The following ALPK2 variants were observed in gnomAD, a reference collection of about 807,000 sequenced individuals.
The protein encoded by ALPK2 is alpha kinase 2.
In ALPK2, 127 loss-of-function variants were observed where a neutral mutation model predicts 163.1. That is an observed-to-expected ratio of 0.78 (90% CI 0.67 to 0.90). ALPK2 has a LOEUF of 0.90. Ranked by LOEUF, ALPK2 falls within the 40% of genes least tolerant of loss-of-function variation. The pLI is 0.00. For missense variants in ALPK2, 2,360 were observed against 2,589.6 expected, an observed-to-expected ratio of 0.91 and a Z score of 1.92; for synonymous variants, 953 against 959.1, an observed-to-expected ratio of 0.99 and a Z score of 0.12.
intron 3 of ALPK2, among the ~76,000 whole-genome samples, chr18:58,590,865 G>A (rs755979426): frequency 1.3e-5 from 2 of 152,144 alleles, no homozygotes; most frequent in East Asian, 1.9e-4. Flanking sequence ...CTCCCAGGCC[G>A]GTTCTCACCC....
rs545748598 is a variant in ALPK2, at chr18:58,536,750, C to T, written c.3437G>A (p.Gly1146Asp). Residue 1146 changes from glycine to aspartate, a missense_variant, in exon 5 of 13, where the codon GGT becomes GAT. Physicochemically the swap from Gly to Asp is moderately conservative, Grantham distance 94 (BLOSUM62 -1). Coordinates refer to ENST00000361673, the MANE Select transcript of ALPK2 (RefSeq NM_052947.4). Reference sequence around the variant, plus strand: ...TTGGAAATCAGGTGCAGAAAGAGAACCCTGCTGGGACAGGCTCTGCTGCTG... The same window carrying T: ...TTGGAAATCAGGTGCAGAAAGAGAATCCTGCTGGGACAGGCTCTGCTGCTG... Reference protein sequence around the residue: ...GVQQQSLSQQGSLSAPDFQQS... With the variant: ...GVQQQSLSQQDSLSAPDFQQS... The T allele has an allele frequency of 1.5e-5, 25 of 1,614,072 alleles. 1 individual carries two copies. Among genetic ancestry groups the T allele is most frequent in the South Asian group, 1.1e-4 (10 of 91,090 alleles).
At chr18:58,597,289 C>T (rs912276908) in intron 3 of ALPK2, among the ~76,000 whole-genome samples, 2 of 151,738 alleles carry the variant, frequency 1.3e-5, no homozygotes, top group African/African-American at 4.8e-5. Context: ...GACTCCAACT[C>T]GAAAGAAAAA....
At position 58,521,627 on chromosome 18, in the gene ALPK2, C is replaced by CTTTTTTTTTTTTTTTTTTTTT. The variant is rs398033036; in HGVS notation, c.5665+2178_5665+2179insAAAAAAAAAAAAAAAAAAAAA. On this transcript the variant is annotated intron_variant, in intron 8 of 12. Coordinates refer to ENST00000361673, the MANE Select transcript of ALPK2 (RefSeq NM_052947.4). ...TTTCTTTTTCTTTCTTTCTCTCTCT[C>CTTTTTTTTTTTTTTTTTTTTT]TTTTTTTTTTTTTTTTTTTGAGATG... Among the ~76,000 whole-genome samples the CTTTTTTTTTTTTTTTTTTTTT allele has an allele frequency of 3.6e-3, 200 of 55,370 alleles. 33 individuals are homozygous for CTTTTTTTTTTTTTTTTTTTTT. The highest frequency in any genetic ancestry group is 5.4e-3 in the Non-Finnish European group (154 of 28,558). The allele number at this position is 55,370 out of a possible 152,430, so 36.3% of individuals were successfully genotyped here. A position where few individuals can be genotyped will look rare whatever the true frequency, so the allele number is the denominator to read the frequency against.
intron 3 of ALPK2, among the ~76,000 whole-genome samples, chr18:58,593,935 T>G (rs1466826550): frequency 8.9e-6 from 1 of 112,340 alleles, no homozygotes; most frequent in African/African-American, 3.6e-5. Flanking sequence ...AGGGCCCACC[T>G]CTTCCCCCAA....
At chr18:58,506,404 A>G (rs1348526352) in intron 10 of ALPK2, among the ~76,000 whole-genome samples, 1 of 152,060 alleles carries the variant, frequency 6.6e-6, no homozygotes, top group Non-Finnish European at 1.5e-5. Flanking sequence ...ACCAACCACA[A>G]TAAAAACATT....
chr18:58,626,865 A>T (rs185694738), intron 1 of ALPK2, among the ~76,000 whole-genome samples: 10 of 148,368 alleles, frequency 6.7e-5, no homozygotes, highest in South Asian at 2.2e-4. Context: ...ATTTTATGGT[A>T]GTATTCTAAA....
At chr18:58,604,577 A>G (rs1240833653) in intron 3 of ALPK2, among the ~76,000 whole-genome samples, 1 of 152,210 alleles carries the variant, frequency 6.6e-6, no homozygotes, top group Non-Finnish European at 1.5e-5. Flanking sequence ...AAAAAGTCAG[A>G]ACTTCCCACG....
chr18:58,504,172 G>C, intron 10 of ALPK2, 24 bp from the exon 11 acceptor site: 1 of 1,585,574 alleles, frequency 6.3e-7, no homozygotes, highest in African/African-American at 1.3e-5. Context: ...GAACACAGGC[G>C]CACATCAAGG....
At chr18:58,572,283 C>T (rs1021967581) in intron 4 of ALPK2, among the ~76,000 whole-genome samples, 1 of 152,168 alleles carries the variant, frequency 6.6e-6, no homozygotes, top group African/African-American at 2.4e-5. Context: ...ACTGGGCCCT[C>T]ATACATTGCT....
chr18:58,552,849 G>A (rs8084119), intron 4 of ALPK2, among the ~76,000 whole-genome samples: 3 of 151,888 alleles, frequency 2.0e-5, no homozygotes, highest in Non-Finnish European at 2.9e-5. Context: ...ATTGTGTCCC[G>A]CAAAAATAGG....
chr18:58,531,935 CAA>C (rs35957271), intron 5 of ALPK2, among the ~76,000 whole-genome samples: 5,246 of 48,704 alleles, frequency 0.11, 30 homozygotes, highest in Middle Eastern at 0.23. Context: ...GGCTCCGTCT[CAA>C]AAAAAAAAAA....
intron 8 of ALPK2, among the ~76,000 whole-genome samples, chr18:58,520,139 CAA>C (rs1434619970): frequency 1.3e-5 from 2 of 151,952 alleles, no homozygotes; most frequent in East Asian, 3.9e-4. Context: ...GAGAAAGAAT[CAA>C]GAGAGGCCGG....
intron 12 of ALPK2, among the ~76,000 whole-genome samples, chr18:58,483,643 T>G (rs12455967): frequency 5.3e-5 from 8 of 151,354 alleles, no homozygotes; most frequent in Admixed American, 1.3e-4. Flanking sequence ...CTCCGCTTGC[T>G]GGGTTCAAGT....
intron 6 of ALPK2, among the ~76,000 whole-genome samples, chr18:58,524,557 C>T (rs7229405): frequency 0.94 from 143,373 of 152,226 alleles, 68,037 homozygotes; most frequent in East Asian, 1. Flanking sequence ...ACCATCGAAC[C>T]ATTCACTCAC....
At chr18:58,494,944 C>T (rs754082901) in intron 12 of ALPK2, among the ~76,000 whole-genome samples, 21 of 152,134 alleles carry the variant, frequency 1.4e-4, no homozygotes, top group Non-Finnish European at 2.8e-4. Context: ...AATTGTGCCT[C>T]GCCTCCCAGC....
At chr18:58,538,297 A>C in intron 4 of ALPK2, 73 bp from the exon 5 acceptor site, 1 of 1,318,056 alleles carries the variant, frequency 7.6e-7, no homozygotes, top group Non-Finnish European at 1.0e-6. Context: ...CTGCAATCCC[A>C]AGAGTGTTAA....
chr18:58,519,902 G>A (rs939409844), intron 8 of ALPK2, among the ~76,000 whole-genome samples: 4 of 152,206 alleles, frequency 2.6e-5, no homozygotes, highest in Admixed American at 6.5e-5. Context: ...TAAAGTGAGA[G>A]ATGGAGGCAA....
chr18:58,547,005 GGTGATGGAAAAATGAT>G (rs2051720870), intron 4 of ALPK2, among the ~76,000 whole-genome samples: 1 of 95,094 alleles, frequency 1.1e-5, no homozygotes, highest in Non-Finnish European at 2.6e-5. Context: ...AATGGAGTAG[GGTGATGGAAAAATGAT>G]TTGAGTCTCA....
intron 12 of ALPK2, among the ~76,000 whole-genome samples, chr18:58,490,289 T>TG (rs2051366707): frequency 6.6e-6 from 1 of 152,180 alleles, no homozygotes. Context: ...GACCTTCTCT[T>TG]GGGGCAGGTA....
Sources: gnomAD v4.1 joint callset for allele counts (sites outside exome capture counted in the v4.1 genomes callset) on GRCh38, gnomAD v4.1.1 for gene constraint, MANE v1.5 for transcripts, NCBI Gene and HGNC (gene_info 2026-07-23, HGNC 2026-07-21) for gene names.